HSDL2: variants seen among roughly 807,000 people sequenced by gnomAD.
HSDL2 encodes the protein hydroxysteroid dehydrogenase-like protein 2.
Under a neutral mutation model 46.3 loss-of-function variants are expected in HSDL2, and 27 were observed. The observed-to-expected ratio is 0.58, with a 90% CI of 0.43 to 0.80. HSDL2 has a LOEUF of 0.80. HSDL2 is among the 30% of genes least tolerant of loss of function. The probability of loss-of-function intolerance (pLI) is 0.00; values close to 1 mark genes in which losing one functional copy is unlikely to be tolerated. For synonymous variants in HSDL2, 153 were observed against 163.6 expected (o/e 0.94, Z 0.50); for missense variants, 451 against 502.7 (o/e 0.90, Z 0.98).
At chr9:112,393,079 G>A (rs1350106814) in intron 1 of HSDL2, among the ~76,000 whole-genome samples, 1 of 152,132 alleles carries the variant, frequency 6.6e-6, no homozygotes, top group Admixed American at 6.5e-5. Flanking sequence ...TGACTGGTCT[G>A]GCACGCTAAA....
At chr9:112,466,346 A>C (rs948357598) in intron 10 of HSDL2, among the ~76,000 whole-genome samples, 4 of 152,164 alleles carry the variant, frequency 2.6e-5, no homozygotes, top group Non-Finnish European at 5.9e-5. Context: ...TGAGGTCAGG[A>C]CTTCGAGACC....
intron 1 of HSDL2, among the ~76,000 whole-genome samples, chr9:112,380,392 A>G (rs1038479835): frequency 1.3e-5 from 2 of 151,902 alleles, no homozygotes; most frequent in African/African-American, 4.8e-5. Context: ...GTATTACAGG[A>G]TGGCAGCAGT....
At chr9:112,407,389 A>G (rs1831755035) in intron 3 of HSDL2, among the ~76,000 whole-genome samples, 1 of 151,910 alleles carries the variant, frequency 6.6e-6, no homozygotes, top group African/African-American at 2.4e-5. Flanking sequence ...GAAGCTTTTC[A>G]TTCTCCCATA....
At chr9:112,428,512 A>C (rs1312091545) in intron 6 of HSDL2, among the ~76,000 whole-genome samples, 3 of 152,200 alleles carry the variant, frequency 2.0e-5, no homozygotes, top group African/African-American at 7.2e-5. Flanking sequence ...GCATGAAATC[A>C]ATTTAGTGGA....
intron 1 of HSDL2, among the ~76,000 whole-genome samples, chr9:112,403,713 T>C (rs774084109): frequency 3.9e-5 from 6 of 152,252 alleles, no homozygotes; most frequent in Non-Finnish European, 7.3e-5. Context: ...TAATTTGTTT[T>C]ATAATTCTTT....
At chr9:112,452,775 G>A (rs1832918137) in intron 8 of HSDL2, among the ~76,000 whole-genome samples, 1 of 152,022 alleles carries the variant, frequency 6.6e-6, no homozygotes, top group Non-Finnish European at 1.5e-5. Flanking sequence ...GACAGTATTG[G>A]GGGGCAGCAT....
chr9:112,458,959 C>T (rs1309182925), intron 9 of HSDL2, among the ~76,000 whole-genome samples: 1 of 151,202 alleles, frequency 6.6e-6, no homozygotes, highest in Non-Finnish European at 1.5e-5. Context: ...CCAGCCTGGG[C>T]GACAGAGCTA....
At chr9:112,454,608 A>T (rs748606846) in intron 9 of HSDL2, among the ~76,000 whole-genome samples, 1 of 152,214 alleles carries the variant, frequency 6.6e-6, no homozygotes, top group African/African-American at 2.4e-5. Flanking sequence ...ATGATACAGT[A>T]ATTTATCAAC....
intron 1 of HSDL2, among the ~76,000 whole-genome samples, chr9:112,400,783 G>A (rs925387381): frequency 6.6e-6 from 1 of 152,180 alleles, no homozygotes; most frequent in Non-Finnish European, 1.5e-5. Context: ...CAATCCTTGT[G>A]TTCAGGGCTT....
At chr9:112,410,343 T>A (rs1272307125) in intron 4 of HSDL2, among the ~76,000 whole-genome samples, 1 of 152,266 alleles carries the variant, frequency 6.6e-6, no homozygotes, top group African/African-American at 2.4e-5. Context: ...GTTAGGAGCT[T>A]AGGCTCTGGA....
At chr9:112,462,468 A>AAT in intron 10 of HSDL2, among the ~76,000 whole-genome samples, 1 of 151,604 alleles carries the variant, frequency 6.6e-6, no homozygotes, top group Non-Finnish European at 1.5e-5. Flanking sequence ...GTCTCAAAAA[A>AAT]AAAAAAAATT....
chr9:112,397,015 T>A (rs963135034), intron 1 of HSDL2, among the ~76,000 whole-genome samples: 1 of 152,166 alleles, frequency 6.6e-6, no homozygotes, highest in African/African-American at 2.4e-5. Flanking sequence ...TCCATCTATA[T>A]CAGACTTAGA....
At chr9:112,437,196 G>C (rs1832546762) in intron 6 of HSDL2, among the ~76,000 whole-genome samples, 1 of 151,972 alleles carries the variant, frequency 6.6e-6, no homozygotes, top group African/African-American at 2.4e-5. Context: ...CTGACCTCAA[G>C]TGATCCACCC....
chr9:112,396,789 C>G (rs181184605), intron 1 of HSDL2, among the ~76,000 whole-genome samples: 16 of 152,238 alleles, frequency 1.1e-4, no homozygotes, highest in African/African-American at 3.9e-4. Flanking sequence ...TTGACCACCC[C>G]GCCCCCTACT....
chr9:112,387,152 A>C (rs1028456782), intron 1 of HSDL2, among the ~76,000 whole-genome samples: 3 of 152,102 alleles, frequency 2.0e-5, no homozygotes, highest in African/African-American at 7.2e-5. Context: ...AAAAGTTTTT[A>C]TCTGTTAGAA....
chr9:112,469,378 T>A (rs1216594144), intron 10 of HSDL2, among the ~76,000 whole-genome samples: 1 of 151,986 alleles, frequency 6.6e-6, no homozygotes, highest in Non-Finnish European at 1.5e-5. Context: ...CTATATCAAT[T>A]AGCATAATGT....
intron 6 of HSDL2, among the ~76,000 whole-genome samples, chr9:112,434,355 T>C (rs1832470432): frequency 1.3e-5 from 2 of 152,150 alleles, no homozygotes; most frequent in African/African-American, 4.8e-5. Context: ...TGGACTATAT[T>C]ACAAATAGAT....
chr9:112,468,781 A>G lies in HSDL2; in HGVS notation c.1145-1651A>G, dbSNP rs76311243. Among the ~76,000 whole-genome samples, 1,112 of 152,280 alleles carry G rather than the reference A, an allele frequency of 7.3e-3. 18 individuals carry two copies. The highest frequency in any genetic ancestry group is 0.025 in the African/African-American group (1,046 of 41,560). On this transcript the variant is annotated intron_variant, in intron 10 of 10. Transcript: ENST00000398805. ...TTAGTTATCTTTTGTCTGAGCCAGC[A>G]TTCTGTTTCCTCCAAGTTGCTCTTA...
chr9:112,406,027 G>A (rs1232460505), intron 3 of HSDL2, among the ~76,000 whole-genome samples: 1 of 152,022 alleles, frequency 6.6e-6, no homozygotes, highest in African/African-American at 2.4e-5. Flanking sequence ...TGAACATGGT[G>A]GTGGATGCCT....
Sources: gnomAD v4.1 joint callset for allele counts (sites outside exome capture counted in the v4.1 genomes callset) on GRCh38, gnomAD v4.1.1 for gene constraint, MANE v1.5 for transcripts, NCBI Gene and HGNC (gene_info 2026-07-23, HGNC 2026-07-21) for gene names.